Variants in CMSS1 observed in about 807,000 individuals in gnomAD.
CMSS1 encodes cms1 ribosomal small subunit homolog, also known as protein CMSS1.
A neutral mutation model predicts 43.5 loss-of-function variants in CMSS1; 33 were observed. The ratio of observed to expected loss-of-function variants is 0.76; its 90% CI spans 0.57 to 1.01. CMSS1 has a LOEUF of 1.01. Ranked by LOEUF, CMSS1 falls within the 50% of genes least tolerant of loss-of-function variation. The pLI, the probability that CMSS1 is intolerant of heterozygous loss-of-function variation, is 0.00. For missense variants in CMSS1, 313 were observed against 326.4 expected (o/e 0.96, Z 0.32); for synonymous variants, 115 against 117.2 (o/e 0.98, Z 0.12).
intron 2 of CMSS1, among the ~76,000 whole-genome samples, chr3:100,158,660 C>T (rs1252002619): frequency 2.0e-5 from 3 of 152,188 alleles, no homozygotes; most frequent in Admixed American, 2.0e-4. Flanking sequence ...AGAATTTGAA[C>T]CTATCATTTA....
intron 1 of CMSS1, among the ~76,000 whole-genome samples, chr3:100,048,181 C>CGGAAG (rs2065308845): frequency 6.6e-6 from 1 of 152,218 alleles, no homozygotes; most frequent in Non-Finnish European, 1.5e-5. Context: ...GCTGAACAGC[C>CGGAAG]CTCAGGGAAG....
chr3:99,853,017 G>C (rs1943780345), intron 1 of CMSS1, among the ~76,000 whole-genome samples: 1 of 152,184 alleles, frequency 6.6e-6, no homozygotes, highest in Non-Finnish European at 1.5e-5. Flanking sequence ...TGTCGTTGAT[G>C]ATGATCTCAT....
At chr3:100,071,823 G>T (rs1277761367) in intron 1 of CMSS1, among the ~76,000 whole-genome samples, 1 of 152,042 alleles carries the variant, frequency 6.6e-6, no homozygotes, top group Non-Finnish European at 1.5e-5. Context: ...AGCTCTCAAG[G>T]CTTACACTTA....
chr3:100,176,157 T>G, intron 8 of CMSS1, 170 bp from the exon 9 acceptor site: 2 of 544,906 alleles, frequency 3.7e-6, no homozygotes, highest in Non-Finnish European at 6.6e-6. Context: ...AGTCTCAGAG[T>G]GCTGCATTTG....
chr3:100,113,248 G>A (rs1334950405), intron 1 of CMSS1, among the ~76,000 whole-genome samples: 2 of 152,180 alleles, frequency 1.3e-5, no homozygotes, highest in African/African-American at 4.8e-5. Context: ...ATACAAAACT[G>A]TGCAGCCACC....
chr3:99,958,997 G>T (rs1465256320), intron 1 of CMSS1, among the ~76,000 whole-genome samples: 1 of 152,066 alleles, frequency 6.6e-6, no homozygotes, highest in Non-Finnish European at 1.5e-5. Flanking sequence ...TCATGCCTTG[G>T]TAACTATTTG....
At chr3:100,176,047 A>G (rs1036416529) in intron 8 of CMSS1, among the ~76,000 whole-genome samples, 1 of 152,154 alleles carries the variant, frequency 6.6e-6, no homozygotes, top group Admixed American at 6.5e-5. Context: ...CTGGGGCTTC[A>G]TGAAATGGAT....
Position 100,078,798 on chromosome 3 carries a change from G to A in CMSS1, c.65-68175G>A, listed in dbSNP as rs114180353. The stretch of plus-strand genomic sequence containing the variant: ...CCAAGCTACTCGGGAGGCTAAGGCC[G>A]GAAAATCCCTTGAACCTGGGAGGTG... On this transcript the variant is annotated intron_variant, in intron 1 of 9. Coordinates refer to ENST00000421999, the MANE Select transcript of CMSS1 (RefSeq NM_032359.4). Among the ~76,000 whole-genome samples, 388 of 152,178 alleles carry A rather than the reference G, an allele frequency of 2.5e-3. 4 individuals carry two copies. Among genetic ancestry groups the A allele is most frequent in the African/African-American group, 8.8e-3 (367 of 41,512 alleles).
chr3:99,899,710 T>C (rs1218027485), intron 1 of CMSS1, among the ~76,000 whole-genome samples: 2 of 152,226 alleles, frequency 1.3e-5, no homozygotes, highest in Admixed American at 1.3e-4. Context: ...GATTCCATTA[T>C]GGTCCACCTT....
At chr3:99,930,861 C>CTG in intron 1 of CMSS1, 1 of 1,613,036 alleles carries the variant, frequency 6.2e-7, no homozygotes, top group Non-Finnish European at 8.5e-7. Context: ...TGTGGCTTCT[C>CTG]TGCCTTGGGA....
chr3:99,844,298 T>C (rs544075445), intron 1 of CMSS1, among the ~76,000 whole-genome samples: 147 of 152,310 alleles, frequency 9.7e-4, no homozygotes, highest in African/African-American at 3.4e-3. Flanking sequence ...TGGAACTTAA[T>C]ATCAGGGGAT....
chr3:99,930,126 T>G, intron 1 of CMSS1: 1 of 978,776 alleles, frequency 1.0e-6, no homozygotes. Flanking sequence ...TTCTTCTCTT[T>G]CAAATCTAAA....
chr3:99,880,436 C>G (rs985861807), intron 1 of CMSS1, among the ~76,000 whole-genome samples: 1 of 152,044 alleles, frequency 6.6e-6, no homozygotes, highest in Non-Finnish European at 1.5e-5. Flanking sequence ...TTACTTTTAT[C>G]TGTAGCCTGA....
intron 1 of CMSS1, chr3:100,039,756 C>CTT (rs559735123): frequency 5.0e-5 from 7 of 141,402 alleles, no homozygotes; most frequent in East Asian, 2.0e-4. Flanking sequence ...CGACTTTCTT[C>CTT]TTTTTTTTTT....
rs1559781383 is a variant in CMSS1, at chr3:100,179,607, A to AG, written c.*1219_*1220insG. 3.3e-5 allele frequency: 5 copies of AG among 152,158 alleles called. No homozygotes were observed. The highest frequency in any genetic ancestry group is 2.1e-4 in the South Asian group (1 of 4,824). The allele number at this position is 152,158 out of a possible 1,614,324, so 9.4% of individuals were successfully genotyped here. On this transcript the variant is annotated 3_prime_UTR_variant, in exon 10 of 10. Coordinates refer to ENST00000421999, the MANE Select transcript of CMSS1 (RefSeq NM_032359.4). ...ACTCTGATGCAAGGAGTGGGCTCCC[A>AG]AGGCCTTAGGCAGCTCTGCCCCTGT...
intron 6 of CMSS1, among the ~76,000 whole-genome samples, chr3:100,171,166 G>T (rs892109514): frequency 6.6e-6 from 1 of 151,924 alleles, no homozygotes. Context: ...CCAGTCCTTT[G>T]TGTCAGTGGT....
At chr3:99,888,252 G>T (rs544632432) in intron 1 of CMSS1, among the ~76,000 whole-genome samples, 2 of 152,186 alleles carry the variant, frequency 1.3e-5, no homozygotes, top group African/African-American at 4.8e-5. Flanking sequence ...TGCACCTGTT[G>T]CTACTTGGGA....
chr3:100,155,105 G>A (rs1044955470), intron 2 of CMSS1, among the ~76,000 whole-genome samples: 2 of 151,964 alleles, frequency 1.3e-5, no homozygotes, highest in Non-Finnish European at 2.9e-5. Flanking sequence ...TTGACTTATC[G>A]ATTTCTGACA....
intron 1 of CMSS1, among the ~76,000 whole-genome samples, chr3:100,070,480 T>C (rs533085879): frequency 6.6e-6 from 1 of 152,370 alleles, no homozygotes; most frequent in East Asian, 1.9e-4. Flanking sequence ...AGTTTAGTTT[T>C]CAACTTAAAT....
Sources: gnomAD v4.1 joint callset for allele counts (sites outside exome capture counted in the v4.1 genomes callset) on GRCh38, gnomAD v4.1.1 for gene constraint, MANE v1.5 for transcripts, NCBI Gene and HGNC (gene_info 2026-07-23, HGNC 2026-07-21) for gene names.